The following NIBAN2 variants were observed in gnomAD, a reference collection of about 807,000 sequenced individuals.
NIBAN2 encodes the protein niban apoptosis regulator 2, also known as protein Niban 2.
NIBAN2 carries 36 observed loss-of-function variants against 81.8 expected under a neutral mutation model. The observed-to-expected ratio is 0.44, with a 90% CI of 0.34 to 0.58. The LOEUF (loss-of-function observed/expected upper bound fraction) is 0.58. NIBAN2 is among the 20% of genes least tolerant of loss of function. NIBAN2 has a pLI of 0.02. For missense variants in NIBAN2, 897 were observed against 1,014.1 expected, an observed-to-expected ratio of 0.88 and a Z score of 1.57; for synonymous variants, 445 against 441.6, an observed-to-expected ratio of 1.01 and a Z score of -0.10.
chr9:127,513,221 CAAAT>C (rs1219301631), intron 8 of NIBAN2, among the ~76,000 whole-genome samples: 1 of 151,984 alleles, frequency 6.6e-6, no homozygotes, highest in East Asian at 1.9e-4. Context: ...TAAAAACAGA[CAAAT>C]AAACAAGCAG....
rs1204355852 is a variant in NIBAN2, at chr9:127,508,609, G to C, written c.1318-71C>G. On this transcript the variant is annotated intron_variant, in intron 10 of 13. Transcript: ENST00000373312. The surrounding 1 kb of genome is among the most constrained non-coding windows in gnomAD (Gnocchi z 6.4). ...GCCCCTTCCTGGGTGCCGCTGAGGG[G>C]TCCTCATCCTCAACCAGCCCCCCAC... 1 of 1,290,070 alleles carries C rather than the reference G, an allele frequency of 7.8e-7. No homozygotes were observed. The highest frequency in any genetic ancestry group is 1.1e-6 in the Non-Finnish European group (1 of 892,308). 79.9% of individuals were successfully genotyped at this position (1,290,070 alleles called of 1,614,324 possible).
intron 1 of NIBAN2, among the ~76,000 whole-genome samples, chr9:127,537,481 A>G (rs149843427): frequency 1.1e-4 from 16 of 152,364 alleles, no homozygotes; most frequent in African/African-American, 3.6e-4. Context: ...ACAAAATAAT[A>G]ATGATAATGA....
chr9:127,520,845 C>T (rs71497661), intron 5 of NIBAN2, among the ~76,000 whole-genome samples: 12,950 of 152,156 alleles, frequency 0.085, 739 homozygotes, highest in Middle Eastern at 0.13. Context: ...GATTGCGCCA[C>T]TGCACTCCAG....
chr9:127,508,003 G>A lies in NIBAN2; in HGVS notation c.1543-25C>T. On this transcript the variant is annotated intron_variant, in intron 12 of 13. Coordinates refer to ENST00000373312, the MANE Select transcript of NIBAN2 (RefSeq NM_022833.4). This position sits in a 1 kb window ranked among gnomAD's most constrained non-coding sequence, Gnocchi z 6.4. ...CCTGCCCGGGTGGGGCGGCAGAGAT[G>A]AGAGGTCAGGGCCAAGGGTAGAGGG... 6.2e-7 allele frequency: 1 copy of A among 1,613,200 alleles called. No homozygotes were observed. The highest frequency in any genetic ancestry group is 8.5e-7 in the Non-Finnish European group (1 of 1,179,248).
At position 127,507,580 on chromosome 9, in the gene NIBAN2, G is replaced by GC. The variant is rs1836634957; in HGVS notation, c.1655-150dup. The stretch of plus-strand genomic sequence containing the variant: ...ATTCCAGGCCTCGTTGCTGAAAGCA[G>GC]CAAGGCCGTGATGCTATCTCCAGGC... On this transcript the variant is annotated intron_variant, in intron 13 of 13. Transcript: ENST00000373312. This position sits in a 1 kb window ranked among gnomAD's most constrained non-coding sequence, Gnocchi z 6.8. 1.3e-6 allele frequency: 1 copy of GC among 749,594 alleles called. No homozygotes were observed. Among genetic ancestry groups the GC allele is most frequent in the Admixed American group, 3.0e-5 (1 of 33,492 alleles). 46.4% of individuals were successfully genotyped at this position (749,594 alleles called of 1,614,324 possible).
chr9:127,552,693 T>TTTG (rs1564315791), intron 1 of NIBAN2, among the ~76,000 whole-genome samples: 1 of 141,118 alleles, frequency 7.1e-6, no homozygotes, highest in African/African-American at 2.7e-5. Flanking sequence ...CGTTTTTTTT[T>TTTG]TTTTTTTTTT....
intron 1 of NIBAN2, among the ~76,000 whole-genome samples, chr9:127,555,292 T>A (rs553680505): frequency 6.6e-6 from 1 of 151,328 alleles, no homozygotes; most frequent in East Asian, 1.9e-4. Flanking sequence ...GTGGAGGGAG[T>A]GGGAAGGGGG....
intron 8 of NIBAN2, among the ~76,000 whole-genome samples, chr9:127,513,495 A>G (rs552500514): frequency 5.9e-5 from 9 of 152,318 alleles, no homozygotes; most frequent in African/African-American, 2.2e-4. Flanking sequence ...TACAGGTCAT[A>G]AAGACCATGC....
chr9:127,525,923 C>G (rs1020910168), intron 3 of NIBAN2, among the ~76,000 whole-genome samples: 1 of 152,292 alleles, frequency 6.6e-6, no homozygotes, highest in African/African-American at 2.4e-5. Flanking sequence ...TAGAAACTTA[C>G]ACCAGTAGCA....
At chr9:127,515,520 C>CAAA (rs60740827) in intron 8 of NIBAN2, among the ~76,000 whole-genome samples, 1 of 90,500 alleles carries the variant, frequency 1.1e-5, no homozygotes, top group Non-Finnish European at 2.0e-5. Context: ...GACTCCGTCT[C>CAAA]AAAAAAAAAA....
intron 1 of NIBAN2, among the ~76,000 whole-genome samples, chr9:127,534,667 C>T (rs1020000106): frequency 2.0e-5 from 3 of 152,224 alleles, no homozygotes; most frequent in Admixed American, 6.5e-5. Context: ...CTGTACTCCC[C>T]TTTCCTGGAG....
chr9:127,531,201 G>A (rs4554580), intron 2 of NIBAN2, among the ~76,000 whole-genome samples: 75,223 of 149,020 alleles, frequency 0.5, 20,475 homozygotes, highest in Middle Eastern at 0.67. Context: ...TGAATAAGCC[G>A]CACATAGTGG....
At chr9:127,522,952 C>T (rs1050163746) in intron 5 of NIBAN2, among the ~76,000 whole-genome samples, 1 of 151,596 alleles carries the variant, frequency 6.6e-6, no homozygotes, top group Non-Finnish European at 1.5e-5. Flanking sequence ...ATCTGTCTCC[C>T]CTACCAGACT....
chr9:127,508,721 A>G lies in NIBAN2; in HGVS notation c.1318-183T>C, dbSNP rs1836666451. 1.3e-5 allele frequency among the ~76,000 whole-genome samples: 2 copies of G among 152,042 alleles called. No individual in the cohort carries two copies. The highest frequency in any genetic ancestry group is 4.8e-5 in the African/African-American group (2 of 41,404). ...GAGCAAGTCCCTGCCTCAAGGCAAC[A>G]GGAAATATGGGAAGGGGCCTGGGGG... On this transcript the variant is annotated intron_variant, in intron 10 of 13. Transcript: ENST00000373312. This position sits in a 1 kb window ranked among gnomAD's most constrained non-coding sequence, Gnocchi z 6.4.
chr9:127,557,481 G>A (rs1783926719), intron 1 of NIBAN2, among the ~76,000 whole-genome samples: 1 of 152,160 alleles, frequency 6.6e-6, no homozygotes, highest in Non-Finnish European at 1.5e-5. Context: ...AAGAGGGGAG[G>A]GAGGGCGGGG....
intron 1 of NIBAN2, among the ~76,000 whole-genome samples, chr9:127,553,882 A>AT (rs549468805): frequency 2.8e-3 from 430 of 151,498 alleles, no homozygotes; most frequent in Admixed American, 5.7e-3. Flanking sequence ...TGCCTGGCTA[A>AT]TTTTTTTTTA....
chr9:127,521,902 TCTCAAG>T (rs1431022502), intron 5 of NIBAN2, among the ~76,000 whole-genome samples: 1 of 152,108 alleles, frequency 6.6e-6, no homozygotes, highest in East Asian at 1.9e-4. Flanking sequence ...CCCAATCATC[TCTCAAG>T]CTCAAGTTTA....
chr9:127,534,499 G>A (rs949097673), intron 1 of NIBAN2, among the ~76,000 whole-genome samples: 1 of 152,154 alleles, frequency 6.6e-6, no homozygotes, highest in Non-Finnish European at 1.5e-5. Flanking sequence ...GGCCTGGGAG[G>A]AGGGCTGAAA....
At chr9:127,574,770 G>T (rs1837988053) in intron 1 of NIBAN2, among the ~76,000 whole-genome samples, 1 of 152,184 alleles carries the variant, frequency 6.6e-6, no homozygotes, top group Admixed American at 6.5e-5. Context: ...AGTTGGCATG[G>T]CCCATTGTGC....
Sources: gnomAD v4.1 joint callset for allele counts (sites outside exome capture counted in the v4.1 genomes callset) on GRCh38, gnomAD v4.1.1 for gene constraint, Gnocchi (gnomAD v3.1) non-coding constraint, MANE v1.5 for transcripts, NCBI Gene and HGNC (gene_info 2026-07-23, HGNC 2026-07-21) for gene names.